Variants in RBPJ observed in about 807,000 individuals in gnomAD.
RBPJ encodes the protein recombining binding protein suppressor of hairless.
A neutral mutation model predicts 67.8 loss-of-function variants in RBPJ; 9 were observed. The observed-to-expected ratio is 0.13, with a 90% confidence interval of 0.08 to 0.23. RBPJ has a LOEUF of 0.23. Ranked by LOEUF, RBPJ falls within the 10% of genes least tolerant of loss-of-function variation. The pLI is 1.00. For missense variants in RBPJ, 305 were observed against 595.6 expected, an observed-to-expected ratio of 0.51 and a Z score of 5.08; for synonymous variants, 198 against 203.3, an observed-to-expected ratio of 0.97 and a Z score of 0.22.
At chr4:26,210,688 T>TTCTTTCCTTCTTTCC (rs1718362102) in intron 1 of RBPJ, among the ~76,000 whole-genome samples, 2 of 70,190 alleles carry the variant, frequency 2.8e-5, no homozygotes, top group Non-Finnish European at 3.0e-5. Context: ...CTTTCTTTCC[T>TTCTTTCCTTCTTTCC]TTCTTTCTTT....
intron 7 of RBPJ, among the ~76,000 whole-genome samples, chr4:26,425,345 A>G (rs1038327179): frequency 2.6e-5 from 4 of 152,118 alleles, no homozygotes; most frequent in African/African-American, 9.7e-5. Context: ...CAGCACTTCA[A>G]CAGGTGAAGG....
intron 2 of RBPJ, among the ~76,000 whole-genome samples, chr4:26,402,498 G>A (rs929599846): frequency 3.9e-5 from 6 of 152,028 alleles, no homozygotes; most frequent in African/African-American, 9.7e-5. Flanking sequence ...CTCATTTTAC[G>A]AATAAAATAG....
intron 1 of RBPJ, among the ~76,000 whole-genome samples, chr4:26,308,381 A>G (rs1722316179): frequency 1.3e-5 from 2 of 152,256 alleles, no homozygotes; most frequent in African/African-American, 2.4e-5. Context: ...CAAAGTATGT[A>G]CTTAATATTT....
chr4:26,141,888 C>A, the RBPJ span, among the ~76,000 whole-genome samples: 1 of 152,204 alleles, frequency 6.6e-6, no homozygotes, highest in Admixed American at 6.5e-5. Context: ...CCCCTTCCCC[C>A]AAAAGAAGCA....
chr4:26,337,613 CTG>C (rs1439345083), intron 1 of RBPJ, among the ~76,000 whole-genome samples: 1 of 150,356 alleles, frequency 6.7e-6, no homozygotes, highest in Non-Finnish European at 1.5e-5. Flanking sequence ...AGTGGAATCA[CTG>C]TTTTTTCCAT....
At chr4:26,274,669 C>G (rs1721020347) in intron 1 of RBPJ, among the ~76,000 whole-genome samples, 1 of 151,984 alleles carries the variant, frequency 6.6e-6, no homozygotes, top group African/African-American at 2.4e-5. Flanking sequence ...GGCACAGTGG[C>G]TCACACCTGT....
intron 1 of RBPJ, among the ~76,000 whole-genome samples, chr4:26,332,428 CA>C (rs1465151349): frequency 1.3e-5 from 2 of 152,160 alleles, no homozygotes; most frequent in Non-Finnish European, 2.9e-5. Flanking sequence ...ACAAATAAAT[CA>C]GCTGTCCACC....
At chr4:26,157,484 T>A in the RBPJ span, among the ~76,000 whole-genome samples, 1 of 152,140 alleles carries the variant, frequency 6.6e-6, no homozygotes, top group Non-Finnish European at 1.5e-5. Flanking sequence ...TTCCTATAGA[T>A]AAATTTGATT....
intron 2 of RBPJ, among the ~76,000 whole-genome samples, chr4:26,393,850 A>C (rs1361771994): frequency 6.6e-6 from 1 of 152,102 alleles, no homozygotes; most frequent in Non-Finnish European, 1.5e-5. Context: ...TAAAAAAAAA[A>C]ATCTTTGAAA....
chr4:26,152,036 A>G, the RBPJ span, among the ~76,000 whole-genome samples: 3 of 152,220 alleles, frequency 2.0e-5, no homozygotes, highest in Non-Finnish European at 4.4e-5. Flanking sequence ...AGTTGACAGT[A>G]TAATAAGATT....
intron 1 of RBPJ, among the ~76,000 whole-genome samples, chr4:26,354,997 T>C (rs1223270838): frequency 6.6e-6 from 1 of 152,186 alleles, no homozygotes; most frequent in African/African-American, 2.4e-5. Context: ...TGAAATAATT[T>C]GAAATAAAAC....
chr4:26,166,955 A>G (rs1716334467), intron 1 of RBPJ, among the ~76,000 whole-genome samples: 3 of 152,208 alleles, frequency 2.0e-5, no homozygotes, highest in South Asian at 4.1e-4. Context: ...TTTTCCCAGC[A>G]CCATTTATTA....
intron 4 of RBPJ, among the ~76,000 whole-genome samples, chr4:26,418,392 T>G (rs932096505): frequency 7.2e-5 from 11 of 152,218 alleles, no homozygotes; most frequent in Non-Finnish European, 1.5e-5. Flanking sequence ...GTCAGTGGCC[T>G]TATAGTTTTT....
At chr4:26,388,939 A>G (rs532976207) in intron 2 of RBPJ, among the ~76,000 whole-genome samples, 1 of 152,282 alleles carries the variant, frequency 6.6e-6, no homozygotes, top group South Asian at 2.1e-4. Flanking sequence ...CCACAGATCT[A>G]AGCTGGGTGC....
chr4:26,224,825 A>G (rs546299987), intron 1 of RBPJ, among the ~76,000 whole-genome samples: 3 of 152,244 alleles, frequency 2.0e-5, no homozygotes, highest in Non-Finnish European at 4.4e-5. Context: ...AGCAGTCACA[A>G]GATACTGGCT....
chr4:26,156,552 G>A, the RBPJ span, among the ~76,000 whole-genome samples: 1 of 150,842 alleles, frequency 6.6e-6, no homozygotes, highest in South Asian at 2.1e-4. Context: ...CTGAGTAGCT[G>A]GGATCACAGG....
intron 1 of RBPJ, among the ~76,000 whole-genome samples, chr4:26,353,999 C>T (rs1268982654): frequency 6.9e-6 from 1 of 145,058 alleles, no homozygotes; most frequent in African/African-American, 2.6e-5. Flanking sequence ...GGCGTGATCT[C>T]GGCTCACTGC....
rs184915067 is a variant in RBPJ at position 26,209,976 on chromosome 4, G to A, written c.-167+46362G>A. 2.8e-4 allele frequency among the ~76,000 whole-genome samples: 42 copies of A among 151,784 alleles called. No individual in the cohort carries two copies. The East Asian group carries it at 7.8e-3, about 28-fold the overall frequency. ...TTGCTCTTTTGGTAACATTTCTGGG[G>A]TAAGAAAACACTTTCAAGACCAACA... On this transcript the variant is annotated intron_variant, in intron 1 of 4. Coordinates refer to the RBPJ transcript ENST00000512351.
intron 1 of RBPJ, among the ~76,000 whole-genome samples, chr4:26,201,758 T>A (rs1189043367): frequency 2.0e-5 from 3 of 152,224 alleles, no homozygotes; most frequent in African/African-American, 7.2e-5. Context: ...ACCTACTTCA[T>A]GCCCTCCACT....
Sources: allele counts gnomAD v4.1 joint callset (sites outside exome capture counted in the v4.1 genomes callset), GRCh38; gene constraint gnomAD v4.1.1; transcripts MANE v1.5; gene names NCBI Gene and HGNC (gene_info 2026-07-23, HGNC 2026-07-21).